The following ARHGEF10 variants were observed in gnomAD, a reference collection of about 807,000 sequenced individuals.
ARHGEF10 encodes Rho guanine nucleotide exchange factor (GEF) 10.
ARHGEF10 carries 140 observed loss-of-function variants against 147.4 expected under a neutral mutation model. That is an observed-to-expected ratio of 0.95 (90% CI 0.83 to 1.09). ARHGEF10 has a LOEUF of 1.09. Among genes scored for constraint, ARHGEF10 ranks in the 50% least tolerant of loss-of-function variants. ARHGEF10 has a pLI of 0.00. For missense variants in ARHGEF10, 2,222 were observed against 1,752.7 expected (o/e 1.27, Z -4.78); for synonymous variants, 902 against 695.8 (o/e 1.30, Z -4.67).
intron 3 of ARHGEF10, among the ~76,000 whole-genome samples, chr8:1,859,693 G>C (rs562063887): frequency 6.6e-6 from 1 of 152,192 alleles, no homozygotes; most frequent in Non-Finnish European, 1.5e-5. Flanking sequence ...GGCTGCATCC[G>C]TCTCACCTGT....
rs1802579959 is a variant in ARHGEF10 at position 1,824,018 on chromosome 8, CG to C, written c.-141del. Reference sequence around the variant, plus strand: ...GGGGGACGCGGGGGACGGCGGGGAACGGCGGGGGACGGCGGGGAACAGCGGG... The same window carrying C: ...GGGGGACGCGGGGGACGGCGGGGAACGCGGGGGACGGCGGGGAACAGCGGG... On this transcript the variant is annotated 5_prime_UTR_variant, in exon 1 of 29. Coordinates refer to ENST00000349830, the MANE Select transcript of ARHGEF10 (RefSeq NM_014629.4). 2 of 31,460 alleles carry C rather than the reference CG, an allele frequency of 6.4e-5. No homozygotes were observed. The highest frequency in any genetic ancestry group is 3.8e-4 in the Admixed American group (1 of 2,612). The allele number at this position is 31,460 out of a possible 1,614,324, so 1.9% of individuals were successfully genotyped here. A position where few individuals can be genotyped will look rare whatever the true frequency, so the allele number is the denominator to read the frequency against.
At chr8:1,907,058 C>T (rs906861152) in intron 17 of ARHGEF10, among the ~76,000 whole-genome samples, 3 of 152,176 alleles carry the variant, frequency 2.0e-5, no homozygotes, top group Admixed American at 6.5e-5. Flanking sequence ...CTGCACCCTG[C>T]GTTGGAGAGG....
At chr8:1,880,962 T>C (rs1808140609) in intron 9 of ARHGEF10, among the ~76,000 whole-genome samples, 1 of 152,166 alleles carries the variant, frequency 6.6e-6, no homozygotes, top group Non-Finnish European at 1.5e-5. Context: ...ATGCAGCATC[T>C]GGCTGGCTCC....
At chr8:1,870,123 G>C (rs1234173751) in intron 7 of ARHGEF10, 1 of 152,122 alleles carries the variant, frequency 6.6e-6, no homozygotes, top group African/African-American at 2.4e-5. Context: ...TTGAGTTTCA[G>C]ATGCAGCCGG....
At chr8:1,890,129 CGG>C (rs1563240672) in intron 11 of ARHGEF10, among the ~76,000 whole-genome samples, 4 of 110,914 alleles carry the variant, frequency 3.6e-5, no homozygotes, top group African/African-American at 1.1e-4. Flanking sequence ...TGTGAGAAAA[CGG>C]AGTGGGGTGA....
At chr8:1,896,143 C>T (rs1276730922) in intron 13 of ARHGEF10, among the ~76,000 whole-genome samples, 190 bp from the exon 14 acceptor site, 1 of 152,164 alleles carries the variant, frequency 6.6e-6, no homozygotes, top group Non-Finnish European at 1.5e-5. Context: ...TAAGGTCAAA[C>T]CAGCAACTTA....
intron 23 of ARHGEF10, among the ~76,000 whole-genome samples, chr8:1,927,808 G>T (rs1175675604): frequency 1.3e-5 from 2 of 152,134 alleles, no homozygotes; most frequent in African/African-American, 2.4e-5. Context: ...GGATGTGGTG[G>T]CACGAGCCTA....
intron 1 of ARHGEF10, chr8:1,826,152 G>C (rs766535093): frequency 6.3e-6 from 10 of 1,588,036 alleles, no homozygotes; most frequent in Non-Finnish European, 7.7e-6. Context: ...AAAGTCATTT[G>C]TATAAGGTGC....
At chr8:1,913,460 C>T (rs1314759290) in intron 18 of ARHGEF10, among the ~76,000 whole-genome samples, 4 of 152,230 alleles carry the variant, frequency 2.6e-5, no homozygotes, top group African/African-American at 9.6e-5. Context: ...AAAAATCAGT[C>T]ACATTACTTT....
chr8:1,867,535 C>T (rs899091911), intron 6 of ARHGEF10, among the ~76,000 whole-genome samples: 2 of 152,084 alleles, frequency 1.3e-5, no homozygotes, highest in Non-Finnish European at 2.9e-5. Flanking sequence ...TGGATTAAAG[C>T]GAGCGCATTT....
At position 1,880,189 on chromosome 8, in the gene ARHGEF10, C is replaced by A. The variant is rs772001685; in HGVS notation, c.960+25C>A. The A allele has an allele frequency of 7.9e-6, 12 of 1,524,926 alleles. No individual in the cohort carries two copies. In the African/African-American group the frequency reaches 1.4e-4, roughly 17 times the overall value. 94.5% of individuals were successfully genotyped at this position (1,524,926 alleles called of 1,614,324 possible). On this transcript the variant is annotated intron_variant, in intron 9 of 28. Transcript: ENST00000349830. ...GGTAGAGTCTTGCCCCCGGCCGCTG[C>A]CCCCACTTGCCAGCCGGGCAGTAAA...
rs947922714 is a variant in ARHGEF10 at position 1,958,376 on chromosome 8, A to G, written c.*1113A>G. ...AGTGCACACCATCATGTCAAGGTGC[A>G]TACTTAGTGAGCGCCATCCTGCTGA... On this transcript the variant is annotated 3_prime_UTR_variant, in exon 29 of 29. Coordinates refer to ENST00000349830, the MANE Select transcript of ARHGEF10 (RefSeq NM_014629.4). The G allele has an allele frequency of 6.6e-5, 10 of 152,226 alleles. No individual in the cohort carries two copies. The highest frequency in any genetic ancestry group is 1.9e-4 in the African/African-American group (8 of 41,462). The allele number at this position is 152,226 out of a possible 1,614,324, so 9.4% of individuals were successfully genotyped here.
intron 18 of ARHGEF10, among the ~76,000 whole-genome samples, chr8:1,922,144 C>T (rs1235134921): frequency 6.6e-6 from 1 of 151,986 alleles, no homozygotes; most frequent in Non-Finnish European, 1.5e-5. Flanking sequence ...TTGAACATTA[C>T]TTCCTGTAGT....
At chr8:1,909,163 A>T in intron 17 of ARHGEF10, 132 bp from the exon 18 acceptor site, 2 of 1,274,856 alleles carry the variant, frequency 1.6e-6, no homozygotes, top group Non-Finnish European at 2.3e-6. Flanking sequence ...AAGCACAATT[A>T]CTATTGTGAG....
At chr8:1,946,054 G>T in intron 27 of ARHGEF10, 1 of 367,358 alleles carries the variant, frequency 2.7e-6, no homozygotes, top group Non-Finnish European at 5.2e-6. Context: ...GAGGGCTGTT[G>T]GGGAGAGGCC....
chr8:1,893,726 A>T, intron 12 of ARHGEF10, 80 bp downstream of exon 12: 7 of 1,144,728 alleles, frequency 6.1e-6, no homozygotes, highest in Non-Finnish European at 6.6e-6. Flanking sequence ...CATAAATGCA[A>T]AGCATATATG....
At chr8:1,843,287 C>A (rs1416864569) in intron 1 of ARHGEF10, 66 bp from the exon 2 acceptor site, 1 of 1,283,696 alleles carries the variant, frequency 7.8e-7, no homozygotes, top group Non-Finnish European at 1.1e-6. Flanking sequence ...TGTCGACAGC[C>A]CTACACCTAT....
At chr8:1,938,800 G>A (rs573214257) in intron 26 of ARHGEF10, among the ~76,000 whole-genome samples, 14 of 152,182 alleles carry the variant, frequency 9.2e-5, no homozygotes, top group African/African-American at 3.4e-4. Flanking sequence ...ACAGGCCCAG[G>A]TCAGCAGAAG....
At chr8:1,842,000 G>C (rs948420204) in intron 1 of ARHGEF10, among the ~76,000 whole-genome samples, 1,292 of 51,272 alleles carry the variant, frequency 0.025, 10 homozygotes, top group Non-Finnish European at 0.035. Flanking sequence ...GGGCCGCGGC[G>C]GGAACTGGGG....
Sources: gnomAD v4.1 joint callset for allele counts (sites outside exome capture counted in the v4.1 genomes callset) on GRCh38, gnomAD v4.1.1 for gene constraint, MANE v1.5 for transcripts, NCBI Gene and HGNC (gene_info 2026-07-23, HGNC 2026-07-21) for gene names.